KDM3A: variants seen among roughly 807,000 people sequenced by gnomAD.
KDM3A encodes lysine-specific demethylase 3A.
KDM3A carries 60 observed loss-of-function variants against 158.0 expected under a neutral mutation model. The observed-to-expected ratio is 0.38, with a 90% CI of 0.31 to 0.47. The LOEUF (loss-of-function observed/expected upper bound fraction) is 0.47, where lower values mean the gene tolerates loss of function less well. KDM3A is among the 20% of genes least tolerant of loss of function. The pLI is 0.99. For missense variants in KDM3A, 1,319 were observed against 1,574.3 expected, an observed-to-expected ratio of 0.84 and a Z score of 2.74; for synonymous variants, 608 against 549.3, an observed-to-expected ratio of 1.11 and a Z score of -1.49.
At chr2:86,482,332 A>C (rs1673972303) in intron 17 of KDM3A, 126 bp from the exon 18 acceptor site, 2 of 1,472,836 alleles carry the variant, frequency 1.4e-6, no homozygotes, top group African/African-American at 2.8e-5. Flanking sequence ...CAGGGGACGT[A>C]CCTTTTTGCC....
In KDM3A at chr2:86,442,071, T is replaced by C. The variant is rs146747408; in HGVS notation, c.24T>C (p.Ser8=). 275 of 1,613,842 alleles carry C rather than the reference T, an allele frequency of 1.7e-4. 1 individual carries two copies. The highest frequency in any genetic ancestry group is 4.3e-4 in the Admixed American group (26 of 60,006). The change falls in exon 2 of 26, where the codon AGT becomes AGC. Residue 8 remains serine, a synonymous_variant. Coordinates refer to ENST00000312912, the MANE Select transcript of KDM3A (RefSeq NM_018433.6). MVLTLGE[S]WPVLVGRRFL... is the part of the protein sequence containing the mutation. Reference sequence around the variant, plus strand: ...CCATGGTGCTCACGCTCGGAGAAAGTTGGCCGGTATTGGTGGGGAGGAGGT... The same window carrying C: ...CCATGGTGCTCACGCTCGGAGAAAGCTGGCCGGTATTGGTGGGGAGGAGGT...
In KDM3A at chr2:86,470,463, C is replaced by G. The variant is rs371216816; in HGVS notation, c.1724+55C>G. 26 of 1,398,484 alleles carry G rather than the reference C, an allele frequency of 1.9e-5. No homozygotes were observed. In the African/African-American group the frequency reaches 2.8e-4, roughly 15 times the overall value. 86.6% of individuals were successfully genotyped at this position (1,398,484 alleles called of 1,614,324 possible). A position where few individuals can be genotyped will look rare whatever the true frequency, so the allele number is the denominator to read the frequency against. ...TCTGGGCATACTTGTTATGCTAGAT[C>G]ATCTGGCATACTTTTGTTACTCTTT... On this transcript the variant is annotated intron_variant, in intron 11 of 25. Coordinates refer to ENST00000312912, the MANE Select transcript of KDM3A (RefSeq NM_018433.6).
At chr2:86,489,058 A>G (rs912128894) in intron 21 of KDM3A, 2 of 382,494 alleles carry the variant, frequency 5.2e-6, no homozygotes, top group Non-Finnish European at 9.6e-6. Flanking sequence ...TTGATCTAGC[A>G]GATGTCCTTT....
chr2:86,439,985 G>A (rs897831492), upstream of KDM3A, among the ~76,000 whole-genome samples: 2 of 152,116 alleles, frequency 1.3e-5, no homozygotes, highest in African/African-American at 4.8e-5. Flanking sequence ...TTTAAAACTT[G>A]TGAGTGAAAT....
chr2:86,478,801 C>G, intron 15 of KDM3A, 66 bp downstream of exon 15: 11 of 1,512,522 alleles, frequency 7.3e-6, no homozygotes, highest in Non-Finnish European at 1.0e-5. Context: ...TTCAAATAAC[C>G]CAAGGATTTC....
intron 25 of KDM3A, chr2:86,491,802 C>CTCACTGTGA: frequency 1.9e-6 from 1 of 528,944 alleles, no homozygotes; most frequent in Non-Finnish European, 3.4e-6. Context: ...AGTAGGTCTA[C>CTCACTGTGA]GTGGTATCAA....
At position 86,474,702 on chromosome 2, in the gene KDM3A, TGTGTGTGTGTGTGTGTGTG is replaced by T. The variant is rs1673578813; in HGVS notation, c.1725-73_1725-55del. ...AAGTAATTACAAGTTGTAAATAAGTTGTGTGTGTGTGTGTGTGTGTGTGTGTGTGTGTGTGTGTGTACAT... is the reference window on the plus strand; with the variant it reads ...AAGTAATTACAAGTTGTAAATAAGTTTGTGTGTGTGTGTGTGTGTGTACAT... On this transcript the variant is annotated intron_variant, in intron 11 of 25. Coordinates refer to ENST00000312912, the MANE Select transcript of KDM3A (RefSeq NM_018433.6). 4.5e-5 allele frequency: 18 copies of T among 401,150 alleles called. 1 individual carries two copies. The highest frequency in any genetic ancestry group is 2.6e-4 in the South Asian group (11 of 42,146). The allele number at this position is 401,150 out of a possible 1,614,324, so 24.8% of individuals were successfully genotyped here. A position where few individuals can be genotyped will look rare whatever the true frequency, so the allele number is the denominator to read the frequency against.
chr2:86,438,807 G>A (rs1052312118), upstream of KDM3A, among the ~76,000 whole-genome samples: 1 of 151,900 alleles, frequency 6.6e-6, no homozygotes, highest in Non-Finnish European at 1.5e-5. Flanking sequence ...TGTTGTTTTT[G>A]TATGTGTATT....
chr2:86,454,870 C>A (rs1447387107), intron 4 of KDM3A, among the ~76,000 whole-genome samples: 1 of 152,156 alleles, frequency 6.6e-6, no homozygotes, highest in East Asian at 1.9e-4. Flanking sequence ...CTTGGGATGA[C>A]TTTACTTCAG....
intron 2 of KDM3A, among the ~76,000 whole-genome samples, chr2:86,449,035 A>T (rs1383147026): frequency 2.0e-5 from 3 of 152,176 alleles, no homozygotes; most frequent in Non-Finnish European, 1.5e-5. Context: ...AATTTTCTTA[A>T]TGTCTTTAAA....
chr2:86,451,278 A>G, intron 4 of KDM3A, 65 bp downstream of exon 4: 1 of 1,034,810 alleles, frequency 9.7e-7, no homozygotes, highest in East Asian at 2.5e-5. Flanking sequence ...CATGAGAAGT[A>G]AAGTACAGTT....
intron 14 of KDM3A, 80 bp from the exon 15 acceptor site, chr2:86,478,528 T>C (rs113790090): frequency 2.0e-6 from 3 of 1,473,956 alleles, no homozygotes; most frequent in Non-Finnish European, 2.8e-6. Flanking sequence ...CTGTGGGGAA[T>C]GCCAGCTTCT....
chr2:86,482,434 A>C (rs1439973669), intron 17 of KDM3A, 24 bp from the exon 18 acceptor site: 1 of 1,608,608 alleles, frequency 6.2e-7, no homozygotes. Flanking sequence ...CATATTTGAG[A>C]CTTTTGTTCT....
At chr2:86,447,980 G>A (rs1191362653) in intron 2 of KDM3A, among the ~76,000 whole-genome samples, 1 of 152,194 alleles carries the variant, frequency 6.6e-6, no homozygotes, top group African/African-American at 2.4e-5. Flanking sequence ...GGATTCTGTG[G>A]CTAGGAAACA....
intron 11 of KDM3A, among the ~76,000 whole-genome samples, chr2:86,472,360 A>T (rs1198535745): frequency 6.6e-6 from 1 of 152,012 alleles, no homozygotes; most frequent in Non-Finnish European, 1.5e-5. Flanking sequence ...TTTTTTCCTG[A>T]TGTTTAGAGT....
intron 8 of KDM3A, among the ~76,000 whole-genome samples, chr2:86,460,991 T>G (rs182371005): frequency 2.0e-5 from 3 of 152,306 alleles, no homozygotes; most frequent in East Asian, 3.9e-4. Flanking sequence ...CACGCTAAGT[T>G]GTGCTAATTC....
Position 86,491,172 on chromosome 2 carries a change from C to T in KDM3A, c.3782C>T (p.Ala1261Val). The T allele has an allele frequency of 6.2e-7, 1 of 1,613,978 alleles. No homozygotes were observed. Among genetic ancestry groups the T allele is most frequent in the Non-Finnish European group, 8.5e-7 (1 of 1,179,894 alleles). Residue 1261 changes from alanine (A) to valine (V), a missense_variant, in exon 25 of 26, where the codon GCT becomes GTT. By Grantham distance (64) the Ala-to-Val change is moderately conservative (BLOSUM62 0). This residue lies in a region of KDM3A where 186 missense variants were observed against 340.9 expected (regional missense o/e 0.55). Coordinates refer to ENST00000312912, the MANE Select transcript of KDM3A (RefSeq NM_018433.6). ...VHNLYSCIKV[A>V]EDFVSPEHVK... ...AACTTATATAGCTGCATCAAAGTGG[C>T]TGAAGATTTTGTTTCTCCAGAGCAT...
chr2:86,454,142 TA>T (rs1672589748), intron 4 of KDM3A, among the ~76,000 whole-genome samples: 1 of 152,190 alleles, frequency 6.6e-6, no homozygotes, highest in South Asian at 2.1e-4. Flanking sequence ...TCCCTTTTTG[TA>T]AAAAAGAATG....
chr2:86,463,139 C>T (rs1328353474), intron 8 of KDM3A, among the ~76,000 whole-genome samples: 1 of 152,038 alleles, frequency 6.6e-6, no homozygotes, highest in East Asian at 1.9e-4. Context: ...TGTAATCAAA[C>T]TTTAGAAGTT....
Sources: allele counts gnomAD v4.1 joint callset (sites outside exome capture counted in the v4.1 genomes callset), GRCh38; gene constraint gnomAD v4.1.1; regional missense constraint gnomAD v4.1.1; transcripts MANE v1.5; gene names NCBI Gene and HGNC (gene_info 2026-07-23, HGNC 2026-07-21).